Variants in TRMT10B observed in about 807,000 individuals in gnomAD.
TRMT10B encodes tRNA methyltransferase 10 homolog B.
A neutral mutation model predicts 43.8 loss-of-function variants in TRMT10B; 33 were observed. The observed-to-expected ratio is 0.75, with a 90% CI of 0.57 to 1.01. TRMT10B has a LOEUF of 1.01. Ranked by LOEUF, TRMT10B falls within the 50% of genes least tolerant of loss-of-function variation. TRMT10B has a pLI of 0.00. For synonymous variants in TRMT10B, 137 were observed against 130.6 expected, an observed-to-expected ratio of 1.05 and a Z score of -0.34; for missense variants, 362 against 369.8, an observed-to-expected ratio of 0.98 and a Z score of 0.17.
At chr9:37,759,209 G>C (rs1460052614) in intron 1 of TRMT10B, among the ~76,000 whole-genome samples, 1 of 152,158 alleles carries the variant, frequency 6.6e-6, no homozygotes, top group Non-Finnish European at 1.5e-5. Flanking sequence ...GTTCATAGCA[G>C]ATTTATTCCC....
intron 7 of TRMT10B, among the ~76,000 whole-genome samples, chr9:37,772,532 C>T (rs1827701753): frequency 6.6e-6 from 1 of 152,190 alleles, no homozygotes; most frequent in South Asian, 2.1e-4. Flanking sequence ...CCTCCTACCT[C>T]AGCATCCCAG....
intron 3 of TRMT10B, among the ~76,000 whole-genome samples, chr9:37,763,151 A>C (rs527657254): frequency 4.9e-4 from 69 of 141,890 alleles, no homozygotes; most frequent in African/African-American, 1.8e-3. Flanking sequence ...CTCAAAAAAA[A>C]AAAAAAAAAA....
At chr9:37,756,273 ATTAGT>A (rs1035346606) in intron 1 of TRMT10B, among the ~76,000 whole-genome samples, 26 of 152,202 alleles carry the variant, frequency 1.7e-4, no homozygotes, top group African/African-American at 6.0e-4. Context: ...TCAGTTAAAG[ATTAGT>A]TTATCTTAAT....
At position 37,777,835 on chromosome 9, in the gene TRMT10B, T is replaced by C. The variant is rs1589053896; in HGVS notation, c.*128T>C. On this transcript the variant is annotated 3_prime_UTR_variant, in exon 9 of 9. Coordinates refer to ENST00000297994, the MANE Select transcript of TRMT10B (RefSeq NM_144964.4). ...AGCCTGGCCAACATGGTGAAACCCT[T>C]CTCTACTGAAAATACAAAAATTAGC... is the stretch of plus-strand genomic sequence containing the variant. 2 of 666,492 alleles carry C rather than the reference T, an allele frequency of 3.0e-6. No homozygotes were observed. Among genetic ancestry groups the C allele is most frequent in the East Asian group, 3.0e-5 (1 of 33,410 alleles). The allele number at this position is 666,492 out of a possible 1,614,324, so 41.3% of individuals were successfully genotyped here. A position where few individuals can be genotyped will look rare whatever the true frequency, so the allele number is the denominator to read the frequency against.
chr9:37,778,004 CA>C lies in TRMT10B; in HGVS notation c.*307del, dbSNP rs537454768. The C allele has an allele frequency of 3.5e-3, 650 of 186,622 alleles. No homozygotes were observed. Among genetic ancestry groups the C allele is most frequent in the South Asian group, 9.0e-3 (85 of 9,402 alleles). 11.6% of individuals were successfully genotyped at this position (186,622 alleles called of 1,614,324 possible). ...TGGGTGACAGAGCAAGACTCCATCT[CA>C]AAAAAAAAATAAATAAAAAAAAATG... On this transcript the variant is annotated 3_prime_UTR_variant, in exon 9 of 9. Transcript: ENST00000297994.
chr9:37,756,624 T>TA (rs998042451), intron 1 of TRMT10B, among the ~76,000 whole-genome samples: 1 of 151,900 alleles, frequency 6.6e-6, no homozygotes, highest in African/African-American at 2.4e-5. Context: ...GAGAATCGCT[T>TA]GAACCTGGGT....
chr9:37,772,222 A>T (rs1827670608), intron 7 of TRMT10B, among the ~76,000 whole-genome samples: 1 of 152,016 alleles, frequency 6.6e-6, no homozygotes, highest in Non-Finnish European at 1.5e-5. Flanking sequence ...CATGTTTTCC[A>T]GGCTGGTCTT....
intron 4 of TRMT10B, among the ~76,000 whole-genome samples, chr9:37,765,526 G>C (rs923362978): frequency 1.3e-5 from 2 of 152,128 alleles, no homozygotes; most frequent in African/African-American, 2.4e-5. Flanking sequence ...TTGCTATTGT[G>C]AATAGTGCCG....
chr9:37,763,718 A>G lies in TRMT10B; in HGVS notation c.385A>G (p.Ile129Val). Residue 129 changes from isoleucine to valine, a missense_variant, in exon 4 of 9, where the codon ATC becomes GTC. Physicochemically the swap from Ile to Val is conservative, Grantham distance 29. Coordinates refer to ENST00000297994, the MANE Select transcript of TRMT10B (RefSeq NM_144964.4). ...EAKHSGPRLC[I>V]DLSMTHYMSK... ...CAAACACTCAGGACCAAGACTATGT[A>G]TCGATTTGAGTATGACCCACTACAT... The G allele has an allele frequency of 1.2e-6, 2 of 1,614,138 alleles. No homozygotes were observed. The highest frequency in any genetic ancestry group is 8.5e-7 in the Non-Finnish European group (1 of 1,179,998).
At chr9:37,772,017 AT>A in intron 7 of TRMT10B, among the ~76,000 whole-genome samples, 1 of 151,924 alleles carries the variant, frequency 6.6e-6, no homozygotes, top group Middle Eastern at 3.4e-3. Flanking sequence ...CTAGTTTTTA[AT>A]TTAATTTTTT....
chr9:37,776,156 C>T, intron 7 of TRMT10B, 126 bp from the exon 8 acceptor site: 1 of 811,430 alleles, frequency 1.2e-6, no homozygotes, highest in Admixed American at 4.0e-5. Context: ...GCTCTTGAGA[C>T]AGTTAACTCA....
chr9:37,763,855 T>G (rs899616205), intron 4 of TRMT10B, 102 bp downstream of exon 4: 1 of 1,601,582 alleles, frequency 6.2e-7, no homozygotes. Flanking sequence ...CTGGGATTCC[T>G]TAGTAAACTA....
upstream of TRMT10B, among the ~76,000 whole-genome samples, chr9:37,753,378 T>C (rs988908053): frequency 1.3e-5 from 2 of 152,188 alleles, no homozygotes; most frequent in African/African-American, 2.4e-5. Flanking sequence ...TGGGATATAA[T>C]ATCAGTGCAT....
Position 37,762,131 on chromosome 9 carries a change from T to C in TRMT10B, c.186+14T>C. 1 of 1,607,204 alleles carries C rather than the reference T, an allele frequency of 6.2e-7. No homozygotes were observed. Among genetic ancestry groups the C allele is most frequent in the Non-Finnish European group, 8.5e-7 (1 of 1,175,474 alleles). ...GCATGGTGCTCGGTGAGTGCGTGAA[T>C]TGCCTGGCCATAGGCCTTGAATGAT... On this transcript the variant is annotated intron_variant, in intron 2 of 8. Coordinates refer to ENST00000297994, the MANE Select transcript of TRMT10B (RefSeq NM_144964.4).
At chr9:37,762,470 C>T in intron 2 of TRMT10B, 107 bp from the exon 3 acceptor site, 24 of 1,439,650 alleles carry the variant, frequency 1.7e-5, no homozygotes, top group Non-Finnish European at 2.1e-5. Context: ...CTCTTTCTCT[C>T]CAAACTATAT....
chr9:37,769,688 C>T (rs1827356038), intron 5 of TRMT10B: 1 of 455,822 alleles, frequency 2.2e-6, no homozygotes, highest in Admixed American at 3.4e-5. Flanking sequence ...ACCTCTGCCT[C>T]CTGGGCTCAA....
intron 2 of TRMT10B, 148 bp from the exon 3 acceptor site, chr9:37,762,429 C>CT: frequency 8.5e-7 from 1 of 1,177,936 alleles, no homozygotes; most frequent in Non-Finnish European, 1.2e-6. Context: ...TAAACACGAT[C>CT]CAGTCTAGGT....
At chr9:37,769,503 C>G (rs1334850592) in intron 5 of TRMT10B, 2 of 169,868 alleles carry the variant, frequency 1.2e-5, no homozygotes, top group African/African-American at 4.8e-5. Flanking sequence ...TCCCTCCTAA[C>G]TAGGTACTTT....
rs2118766618 is a variant in TRMT10B, at chr9:37,762,057, T to C, written c.126T>C (p.Asp42=). 1 of 1,614,054 alleles carries C rather than the reference T, an allele frequency of 6.2e-7. No homozygotes were observed. Among genetic ancestry groups the C allele is most frequent in the Non-Finnish European group, 8.5e-7 (1 of 1,180,018 alleles). ...LPEGFQLLQI[D]AEGECQEGEI... Reference sequence around the variant, plus strand: ...AAGGCTTCCAGCTTCTGCAGATCGATGCGGAAGGCGAGTGCCAGGAGGGAG... The same window carrying C: ...AAGGCTTCCAGCTTCTGCAGATCGACGCGGAAGGCGAGTGCCAGGAGGGAG... The change falls in exon 2 of 9, where the codon GAT becomes GAC. Residue 42 remains aspartate, a synonymous_variant. Coordinates refer to ENST00000297994, the MANE Select transcript of TRMT10B (RefSeq NM_144964.4).
Sources: allele counts gnomAD v4.1 joint callset (sites outside exome capture counted in the v4.1 genomes callset), GRCh38; gene constraint gnomAD v4.1.1; transcripts MANE v1.5; gene names NCBI Gene and HGNC (gene_info 2026-07-23, HGNC 2026-07-21).